The following PPP2R2C variants were observed in gnomAD, a reference collection of about 807,000 sequenced individuals.
The protein encoded by PPP2R2C is protein phosphatase 2, regulatory subunit B, gamma.
In PPP2R2C, 10 loss-of-function variants were observed where a neutral mutation model predicts 45.3. The ratio of observed to expected loss-of-function variants is 0.22; its 90% CI spans 0.14 to 0.37. PPP2R2C has a LOEUF of 0.37. PPP2R2C is among the 10% of genes least tolerant of loss of function. PPP2R2C has a pLI of 1.00. For missense variants in PPP2R2C, 308 were observed against 619.7 expected (o/e 0.50, Z 5.34); for synonymous variants, 257 against 245.4 (o/e 1.05, Z -0.44).
rs146048667 is a variant in PPP2R2C at position 6,523,837 on chromosome 4, G to C, written c.49+11434C>G. Among the ~76,000 whole-genome samples the C allele has an allele frequency of 1.6e-4, 24 of 152,290 alleles. No homozygotes were observed. In the East Asian group the frequency reaches 3.3e-3, roughly 21 times the overall value. On this transcript the variant is annotated intron_variant, in intron 2 of 9. Coordinates refer to the PPP2R2C transcript ENST00000506140. ...CCTAAGTATCCATCCATCCACAGACGAATGGATAAGCAAAATGTGGTCCAC... is the reference window on the plus strand; with the variant it reads ...CCTAAGTATCCATCCATCCACAGACCAATGGATAAGCAAAATGTGGTCCAC...
chr4:6,349,355 T>A (rs1358505675), intron 5 of PPP2R2C: 2 of 973,618 alleles, frequency 2.1e-6, no homozygotes, highest in East Asian at 2.3e-4. Flanking sequence ...TGCCTCAGCT[T>A]CCTCATCTGT....
At chr4:6,391,717 C>T (rs780172681) in intron 1 of PPP2R2C, among the ~76,000 whole-genome samples, 8 of 152,180 alleles carry the variant, frequency 5.3e-5, no homozygotes, top group South Asian at 4.1e-4. Context: ...AACATGTGGC[C>T]GACACAGTGA....
chr4:6,466,232 C>T (rs935573971), intron 1 of PPP2R2C, among the ~76,000 whole-genome samples: 1 of 152,202 alleles, frequency 6.6e-6, no homozygotes, highest in African/African-American at 2.4e-5. Flanking sequence ...ACCACAGACT[C>T]GCCTGCCACA....
In PPP2R2C at chr4:6,368,875, C is replaced by T. The variant is rs1714568270; in HGVS notation, c.625+3648G>A. ...ACCTCCAAAGCTGGCTAGTGACACGCCCCTGTTTACAGTACATCAATAGCT... is the reference window on the plus strand; with the variant it reads ...ACCTCCAAAGCTGGCTAGTGACACGTCCCTGTTTACAGTACATCAATAGCT... On this transcript the variant is annotated intron_variant, in intron 5 of 8. Transcript: ENST00000382599. This position sits in a 1 kb window ranked among gnomAD's most constrained non-coding sequence, Gnocchi z 4.2. 1.3e-5 allele frequency among the ~76,000 whole-genome samples: 2 copies of T among 152,170 alleles called. No individual in the cohort carries two copies. Among genetic ancestry groups the T allele is most frequent in the African/African-American group, 4.8e-5 (2 of 41,438 alleles).
chr4:6,441,601 G>A (rs961079391), intron 1 of PPP2R2C, among the ~76,000 whole-genome samples: 2 of 152,204 alleles, frequency 1.3e-5, no homozygotes, highest in Admixed American at 1.3e-4. Context: ...CTTCTGCTCT[G>A]TACGTGTCAC....
intron 2 of PPP2R2C, among the ~76,000 whole-genome samples, chr4:6,493,375 T>C (rs910404573): frequency 3.3e-5 from 5 of 151,510 alleles, no homozygotes; most frequent in African/African-American, 7.3e-5. Context: ...CGTGTGGACA[T>C]GGAGGAGAGT....
intron 5 of PPP2R2C, among the ~76,000 whole-genome samples, chr4:6,371,292 T>G (rs1243905120): frequency 6.6e-6 from 1 of 152,230 alleles, no homozygotes; most frequent in Non-Finnish European, 1.5e-5. Context: ...TCCCGCTGTT[T>G]TCCAAGGGTC....
chr4:6,501,873 C>T (rs1025925475), intron 2 of PPP2R2C, among the ~76,000 whole-genome samples: 25 of 152,318 alleles, frequency 1.6e-4, no homozygotes, highest in African/African-American at 6.0e-4. Context: ...GAGAGAGACC[C>T]AGTATCTTTG....
chr4:6,557,924 C>T (rs1051245631), intron 1 of PPP2R2C, among the ~76,000 whole-genome samples: 3 of 152,136 alleles, frequency 2.0e-5, no homozygotes, highest in Non-Finnish European at 4.4e-5. Flanking sequence ...TCACCTGCTG[C>T]GTGACTCCAG....
intron 3 of PPP2R2C, among the ~76,000 whole-genome samples, chr4:6,376,788 G>C (rs1715338827): frequency 6.6e-6 from 1 of 152,218 alleles, no homozygotes; most frequent in Non-Finnish European, 1.5e-5. Context: ...AAAAGGAGCA[G>C]GTGCATGGGG....
chr4:6,462,328 A>G (rs1014448811), intron 1 of PPP2R2C, among the ~76,000 whole-genome samples: 1 of 152,156 alleles, frequency 6.6e-6, no homozygotes, highest in Non-Finnish European at 1.5e-5. Flanking sequence ...TACAAAAATT[A>G]GTCGGGCGTG....
In PPP2R2C at chr4:6,338,790, G is replaced by A. The variant is rs561934383; in HGVS notation, c.791-5059C>T. On this transcript the variant is annotated intron_variant, in intron 6 of 8. Coordinates refer to ENST00000382599, the MANE Select transcript of PPP2R2C (RefSeq NM_020416.4). Reference sequence around the variant, plus strand: ...GGTGTCTCCTCAATGTTGAGCCCTAGGCATCTCCCCCTGCCTCCCGTAGCC... The same window carrying A: ...GGTGTCTCCTCAATGTTGAGCCCTAAGCATCTCCCCCTGCCTCCCGTAGCC... Among the ~76,000 whole-genome samples the A allele has an allele frequency of 3.9e-5, 6 of 152,178 alleles. No individual in the cohort carries two copies. In the East Asian group the frequency reaches 9.7e-4, roughly 25 times the overall value.
At position 6,494,519 on chromosome 4, in the gene PPP2R2C, G is replaced by A. The variant is rs547892002; in HGVS notation, c.49+40752C>T. Among the ~76,000 whole-genome samples, 4 of 152,336 alleles carry A rather than the reference G, an allele frequency of 2.6e-5. No homozygotes were observed. In the South Asian group the frequency reaches 8.3e-4, roughly 32 times the overall value. Reference sequence around the variant, plus strand: ...ACACCGAAGCACTGGTCTCCGAGACGGAGGGCCACCTGGACCACACGGGTG... The same window carrying A: ...ACACCGAAGCACTGGTCTCCGAGACAGAGGGCCACCTGGACCACACGGGTG... On this transcript the variant is annotated intron_variant, in intron 2 of 9. Coordinates refer to the PPP2R2C transcript ENST00000506140.
At chr4:6,476,848 T>A (rs754395644), upstream of PPP2R2C, among the ~76,000 whole-genome samples, 3 of 152,252 alleles carry the variant, frequency 2.0e-5, no homozygotes, top group Admixed American at 6.5e-5. Context: ...TTGTGTAATA[T>A]TCTATGGCAG....
At chr4:6,361,080 T>A (rs928670615) in intron 5 of PPP2R2C, among the ~76,000 whole-genome samples, 2 of 152,036 alleles carry the variant, frequency 1.3e-5, no homozygotes, top group African/African-American at 4.8e-5. Flanking sequence ...GTTCTGGGAG[T>A]TAGGGTTTCA....
intron 1 of PPP2R2C, chr4:6,383,279 C>T: frequency 8.0e-7 from 1 of 1,248,294 alleles, no homozygotes; most frequent in Non-Finnish European, 1.0e-6. Context: ...CAGGGCCCCA[C>T]TGACCCACAG....
chr4:6,377,168 G>C (rs1487811631), intron 3 of PPP2R2C, among the ~76,000 whole-genome samples: 2 of 152,256 alleles, frequency 1.3e-5, no homozygotes, highest in Non-Finnish European at 2.9e-5. Flanking sequence ...AGGCCCCGCT[G>C]AGGAGCGTGG....
At chr4:6,480,723 G>A (rs1162086794) in intron 2 of PPP2R2C, among the ~76,000 whole-genome samples, 2 of 152,072 alleles carry the variant, frequency 1.3e-5, no homozygotes, top group African/African-American at 2.4e-5. Context: ...ATTCCTTCTG[G>A]GTCATGCATA....
At chr4:6,482,582 T>A (rs1486102889) in intron 2 of PPP2R2C, among the ~76,000 whole-genome samples, 1 of 152,264 alleles carries the variant, frequency 6.6e-6, no homozygotes, top group African/African-American at 2.4e-5. Flanking sequence ...GATTTCACTA[T>A]GTTGTCCTGT....
Sources: gnomAD v4.1 joint callset for allele counts (sites outside exome capture counted in the v4.1 genomes callset) on GRCh38, gnomAD v4.1.1 for gene constraint, Gnocchi (gnomAD v3.1) non-coding constraint, MANE v1.5 for transcripts, NCBI Gene and HGNC (gene_info 2026-07-23, HGNC 2026-07-21) for gene names.